Variants in GPC6 observed in about 807,000 individuals in gnomAD.
GPC6 encodes the protein glypican 6, also known as glypican-6.
GPC6 carries 14 observed loss-of-function variants against 55.2 expected under a neutral mutation model. That is an observed-to-expected ratio of 0.25 (90% CI 0.17 to 0.40). GPC6 has a LOEUF of 0.40. GPC6 is among the 10% of genes least tolerant of loss of function. GPC6 has a pLI of 1.00. For synonymous variants in GPC6, 278 were observed against 259.6 expected (o/e 1.07, Z -0.68); for missense variants, 641 against 708.5 (o/e 0.90, Z 1.08).
At chr13:94,184,561 G>C (rs1359060074) in intron 4 of GPC6, among the ~76,000 whole-genome samples, 2 of 152,108 alleles carry the variant, frequency 1.3e-5, no homozygotes, top group Non-Finnish European at 2.9e-5. Context: ...CTAATCATCA[G>C]AGAAATGCAG....
chr13:93,948,003 A>G (rs1334472614), intron 3 of GPC6, among the ~76,000 whole-genome samples: 1 of 152,170 alleles, frequency 6.6e-6, no homozygotes, highest in Non-Finnish European at 1.5e-5. Context: ...ATTTGGCAAT[A>G]TTATTGTATC....
intron 2 of GPC6, among the ~76,000 whole-genome samples, chr13:93,631,280 GC>G (rs1879418214): frequency 3.3e-5 from 5 of 151,456 alleles, no homozygotes; most frequent in Admixed American, 3.3e-4. Flanking sequence ...CCTCCCTGCT[GC>G]AAATGGCATG....
chr13:93,628,697 C>CT (rs1451538540), intron 2 of GPC6, among the ~76,000 whole-genome samples: 1 of 152,074 alleles, frequency 6.6e-6, no homozygotes, highest in African/African-American at 2.4e-5. Context: ...GTCTCCATGC[C>CT]TTCCCCAGGA....
At chr13:93,641,466 ATCTT>A (rs1443570635) in intron 2 of GPC6, among the ~76,000 whole-genome samples, 2 of 152,116 alleles carry the variant, frequency 1.3e-5, no homozygotes, top group Admixed American at 6.6e-5. Flanking sequence ...ACACACGAAG[ATCTT>A]TCTTTCTCCA....
intron 3 of GPC6, among the ~76,000 whole-genome samples, chr13:93,914,699 G>A (rs1175629235): frequency 1.3e-5 from 2 of 152,154 alleles, no homozygotes; most frequent in African/African-American, 4.8e-5. Flanking sequence ...TAAACAGCAG[G>A]AAGAGTAGAG....
At chr13:93,851,804 G>A (rs926908151) in intron 3 of GPC6, among the ~76,000 whole-genome samples, 1 of 151,674 alleles carries the variant, frequency 6.6e-6, no homozygotes, top group African/African-American at 2.4e-5. Context: ...ATAAGTAGAG[G>A]ATTATATCCT....
intron 3 of GPC6, among the ~76,000 whole-genome samples, chr13:93,963,193 C>T (rs1213519900): frequency 1.3e-5 from 2 of 151,996 alleles, no homozygotes; most frequent in Admixed American, 1.3e-4. Context: ...ATTAAGTAAA[C>T]AAAATCATGA....
chr13:93,411,693 C>A (rs1411276660), intron 1 of GPC6, among the ~76,000 whole-genome samples: 1 of 152,090 alleles, frequency 6.6e-6, no homozygotes, highest in Non-Finnish European at 1.5e-5. Context: ...GTTCTATACA[C>A]CAATGTTACT....
In GPC6 at chr13:93,866,779, A is replaced by G. The variant is rs373109777; in HGVS notation, c.711+36234A>G. Among the ~76,000 whole-genome samples the G allele has an allele frequency of 6.6e-5, 10 of 151,796 alleles. 1 individual carries two copies. The East Asian group carries it at 1.8e-3, about 27-fold the overall frequency. ...AAATAATTAATGGGTACCAGGCTAAATACCTGGGTGATGCAATAATCTGTA... is the reference window on the plus strand; with the variant it reads ...AAATAATTAATGGGTACCAGGCTAAGTACCTGGGTGATGCAATAATCTGTA... On this transcript the variant is annotated intron_variant, in intron 3 of 8. Coordinates refer to ENST00000377047, the MANE Select transcript of GPC6 (RefSeq NM_005708.5).
intron 1 of GPC6, among the ~76,000 whole-genome samples, chr13:93,312,305 C>G (rs1302141543): frequency 1.3e-5 from 2 of 152,136 alleles, no homozygotes; most frequent in African/African-American, 4.8e-5. Flanking sequence ...ACAGGGTACA[C>G]TTATGTCCTG....
At chr13:94,240,678 T>C (rs1402239546) in intron 4 of GPC6, among the ~76,000 whole-genome samples, 4 of 152,032 alleles carry the variant, frequency 2.6e-5, no homozygotes, top group Non-Finnish European at 5.9e-5. Flanking sequence ...CAGGTAGTAT[T>C]TCAGAGAGTG....
intron 3 of GPC6, among the ~76,000 whole-genome samples, chr13:93,913,179 A>C (rs1402419345): frequency 6.6e-6 from 1 of 152,216 alleles, no homozygotes; most frequent in Admixed American, 6.5e-5. Flanking sequence ...GAATGAATTG[A>C]AACATGATTA....
intron 1 of GPC6, among the ~76,000 whole-genome samples, chr13:93,362,689 AAT>A (rs780103713): frequency 0.056 from 7,683 of 137,358 alleles, 237 homozygotes; most frequent in Middle Eastern, 0.11. Context: ...TAAAAAAAAA[AAT>A]TTTTTTTAAA....
At chr13:93,638,298 C>T (rs1202231995) in intron 2 of GPC6, among the ~76,000 whole-genome samples, 2 of 152,002 alleles carry the variant, frequency 1.3e-5, no homozygotes, top group Non-Finnish European at 2.9e-5. Flanking sequence ...CCCTTTTATG[C>T]AATTTTAACT....
chr13:93,227,286 C>A lies in GPC6; in HGVS notation c.-171C>A. On this transcript the variant is annotated 5_prime_UTR_variant, in exon 1 of 9. The change creates a new upstream start codon in the 5' untranslated region. Coordinates refer to ENST00000377047, the MANE Select transcript of GPC6 (RefSeq NM_005708.5). The surrounding 1 kb of genome is among the most constrained non-coding windows in gnomAD (Gnocchi z 4.3). ...CGTCCATCTGGCTTATAAAAGTTTG[C>A]TGAGCGCAGTCCAGAGGGCTGCGCT... 1.7e-6 allele frequency: 1 copy of A among 578,284 alleles called. No homozygotes were observed. Among genetic ancestry groups the A allele is most frequent in the Non-Finnish European group, 3.0e-6 (1 of 329,574 alleles). The allele number at this position is 578,284 out of a possible 1,614,324, so 35.8% of individuals were successfully genotyped here.
intron 2 of GPC6, among the ~76,000 whole-genome samples, chr13:93,667,358 T>C (rs929945779): frequency 6.6e-6 from 1 of 151,862 alleles, no homozygotes; most frequent in African/African-American, 2.4e-5. Context: ...GAAAAATCCA[T>C]GGTCAAGAAA....
chr13:94,183,103 A>G (rs1228567787), intron 4 of GPC6, among the ~76,000 whole-genome samples: 1 of 152,224 alleles, frequency 6.6e-6, no homozygotes, highest in Non-Finnish European at 1.5e-5. Flanking sequence ...TGCACAATGC[A>G]ATAGGATTAA....
At chr13:93,745,089 T>C (rs538687101) in intron 2 of GPC6, among the ~76,000 whole-genome samples, 1 of 151,792 alleles carries the variant, frequency 6.6e-6, no homozygotes, top group East Asian at 1.9e-4. Context: ...CACAGGTGAG[T>C]CCTCCATTTA....
chr13:93,471,138 G>T (rs999526068), intron 1 of GPC6, among the ~76,000 whole-genome samples: 2 of 151,524 alleles, frequency 1.3e-5, no homozygotes, highest in Admixed American at 6.6e-5. Context: ...TTATTTTCTT[G>T]CTTCAACTTG....
Sources: allele counts gnomAD v4.1 joint callset (sites outside exome capture counted in the v4.1 genomes callset), GRCh38; gene constraint gnomAD v4.1.1; non-coding constraint Gnocchi (gnomAD v3.1); transcripts MANE v1.5; gene names NCBI Gene and HGNC (gene_info 2026-07-23, HGNC 2026-07-21).